The following SLC14A2 variants were observed in gnomAD, a reference collection of about 807,000 sequenced individuals.
The protein encoded by SLC14A2 is urea transporter 2.
A neutral mutation model predicts 104.6 loss-of-function variants in SLC14A2; 91 were observed. That is an observed-to-expected ratio of 0.87 (90% CI 0.73 to 1.04). The LOEUF (loss-of-function observed/expected upper bound fraction) is 1.04. SLC14A2 is among the 50% of genes least tolerant of loss of function. The pLI, the probability that SLC14A2 is intolerant of heterozygous loss-of-function variation, is 0.00. For missense variants in SLC14A2, 1,189 were observed against 1,156.0 expected (o/e 1.03, Z -0.41); for synonymous variants, 476 against 466.4 (o/e 1.02, Z -0.27).
At chr18:45,247,920 G>A (rs1417362517) in intron 1 of SLC14A2, among the ~76,000 whole-genome samples, 1 of 152,126 alleles carries the variant, frequency 6.6e-6, no homozygotes, top group Non-Finnish European at 1.5e-5. Flanking sequence ...TACAATTCCT[G>A]ATTCCTGGTG....
At chr18:45,477,615 G>A (rs371402094) in intron 1 of SLC14A2, among the ~76,000 whole-genome samples, 24 of 152,164 alleles carry the variant, frequency 1.6e-4, no homozygotes, top group East Asian at 1.2e-3. Context: ...TTTGTCCCAC[G>A]GAGATGGGAG....
intron 10 of SLC14A2, among the ~76,000 whole-genome samples, chr18:45,661,521 C>T (rs2045937005): frequency 6.6e-6 from 1 of 152,194 alleles, no homozygotes; most frequent in Admixed American, 6.5e-5. Flanking sequence ...AATGCAATTC[C>T]TAGCTTTGCC....
At chr18:45,252,792 C>CTTTTTTTTTTT (rs745363624) in intron 1 of SLC14A2, among the ~76,000 whole-genome samples, 1 of 126,960 alleles carries the variant, frequency 7.9e-6, no homozygotes, top group African/African-American at 3.0e-5. Flanking sequence ...GCAATATTGA[C>CTTTTTTTTTTT]TTTTTTTTTT....
intron 12 of SLC14A2, 55 bp from the exon 13 acceptor site, chr18:45,666,880 T>C: frequency 6.7e-7 from 1 of 1,483,338 alleles, no homozygotes; most frequent in Non-Finnish European, 9.3e-7. Flanking sequence ...ACATGAATTC[T>C]CAGTGTAAGA....
chr18:45,457,042 A>G (rs886132187), intron 1 of SLC14A2, among the ~76,000 whole-genome samples: 2 of 152,124 alleles, frequency 1.3e-5, no homozygotes, highest in African/African-American at 4.8e-5. Context: ...ATCTCCTCCT[A>G]GTTAGGGAGC....
intron 1 of SLC14A2, among the ~76,000 whole-genome samples, chr18:45,468,946 G>A (rs1300890890): frequency 1.3e-5 from 2 of 152,216 alleles, no homozygotes; most frequent in Admixed American, 6.5e-5. Context: ...ACAGTAAAGT[G>A]CAACTCACAG....
intron 2 of SLC14A2, among the ~76,000 whole-genome samples, chr18:45,542,040 T>G (rs1430838900): frequency 7.1e-5 from 5 of 70,874 alleles, no homozygotes; most frequent in African/African-American, 2.8e-4. Context: ...AGAGGGTTTT[T>G]TTTTTTTTTT....
At chr18:45,365,490 C>T (rs972571847) in intron 1 of SLC14A2, among the ~76,000 whole-genome samples, 7 of 152,236 alleles carry the variant, frequency 4.6e-5, no homozygotes, top group African/African-American at 1.7e-4. Context: ...TGTGTGCCTG[C>T]TCCTGTGGAG....
At chr18:45,183,589 C>T in the SLC14A2 span, among the ~76,000 whole-genome samples, 5 of 152,130 alleles carry the variant, frequency 3.3e-5, no homozygotes, top group Admixed American at 2.6e-4. Flanking sequence ...CTGACACTTT[C>T]CTAGGTTGCA....
At chr18:45,665,454 G>C (rs1300636485) in intron 11 of SLC14A2, among the ~76,000 whole-genome samples, 1 of 151,948 alleles carries the variant, frequency 6.6e-6, no homozygotes, top group Non-Finnish European at 1.5e-5. Flanking sequence ...AATTACAAAG[G>C]CTTGCCAAAA....
chr18:45,682,410 C>T lies in SLC14A2; in HGVS notation c.2654C>T (p.Pro885Leu), dbSNP rs370353559. The T allele has an allele frequency of 4.8e-5, 77 of 1,614,060 alleles. No individual in the cohort carries two copies. Among genetic ancestry groups the T allele is most frequent in the South Asian group, 3.5e-4 (32 of 91,084 alleles). Reference protein sequence around the residue: ...TTNNPAIYKLPLSKVTYPEAN... With the variant: ...TTNNPAIYKLLLSKVTYPEAN... Reference sequence around the variant, plus strand: ...AATAACCCCGCCATCTACAAGCTCCCGCTCAGCAAAGTCACCTACCCAGAG... The same window carrying T: ...AATAACCCCGCCATCTACAAGCTCCTGCTCAGCAAAGTCACCTACCCAGAG... Residue 885 changes from proline (P) to leucine (L), a missense_variant, in exon 20 of 20, where the codon CCG (proline) becomes CTG (leucine). Physicochemically the swap from Pro to Leu is moderately conservative, Grantham distance 98. Transcript: ENST00000255226.
chr18:45,190,045 A>T, the SLC14A2 span, among the ~76,000 whole-genome samples: 2 of 152,210 alleles, frequency 1.3e-5, no homozygotes, highest in African/African-American at 4.8e-5. Context: ...AACAGGACAC[A>T]GGTCTGTAAG....
At chr18:45,655,205 T>A (rs112857227) in intron 10 of SLC14A2, among the ~76,000 whole-genome samples, 1 of 152,210 alleles carries the variant, frequency 6.6e-6, no homozygotes, top group East Asian at 1.9e-4. Context: ...TGACAGTGGA[T>A]GTGTCTGGAA....
chr18:45,234,269 T>C (rs982877581), intron 1 of SLC14A2, among the ~76,000 whole-genome samples: 1 of 152,158 alleles, frequency 6.6e-6, no homozygotes, highest in African/African-American at 2.4e-5. Context: ...ATGTAGGGGT[T>C]GTTAGGTGAT....
intron 1 of SLC14A2, among the ~76,000 whole-genome samples, chr18:45,445,732 C>A (rs2086757593): frequency 1.3e-5 from 2 of 152,184 alleles, no homozygotes; most frequent in African/African-American, 2.4e-5. Context: ...GCAGATATCA[C>A]AGATGGAGTA....
At chr18:45,537,409 G>A (rs909701879) in intron 2 of SLC14A2, among the ~76,000 whole-genome samples, 45 of 152,228 alleles carry the variant, frequency 3.0e-4, no homozygotes, top group African/African-American at 8.2e-4. Flanking sequence ...TGAAGAAGGC[G>A]AGGGAGTGAG....
At position 45,552,558 on chromosome 18, in the gene SLC14A2, G is replaced by C. The variant is rs548857260; in HGVS notation, c.-35+69236G>C. ...CCTGTTCTCACAGAGCTGATGTTCT[G>C]GTGGGAAAATACAAACAAAAACAAA... On this transcript the variant is annotated intron_variant, in intron 2 of 20. Transcript: ENST00000586448. 3.0e-4 allele frequency among the ~76,000 whole-genome samples: 46 copies of C among 152,284 alleles called. 1 individual carries two copies. The highest frequency in any genetic ancestry group is 1.1e-3 in the African/African-American group (44 of 41,550).
chr18:45,206,097 A>G, the SLC14A2 span, among the ~76,000 whole-genome samples: 1 of 152,334 alleles, frequency 6.6e-6, no homozygotes, highest in Non-Finnish European at 1.5e-5. Flanking sequence ...TTTATGTGAG[A>G]TAGTGGTCAC....
At chr18:45,522,070 T>C (rs1298176329) in intron 2 of SLC14A2, among the ~76,000 whole-genome samples, 1 of 152,186 alleles carries the variant, frequency 6.6e-6, no homozygotes, top group East Asian at 1.9e-4. Flanking sequence ...TCTAAGGCAG[T>C]CTAAGGCAGT....
Sources: allele counts gnomAD v4.1 joint callset (sites outside exome capture counted in the v4.1 genomes callset), GRCh38; gene constraint gnomAD v4.1.1; transcripts MANE v1.5; gene names NCBI Gene and HGNC (gene_info 2026-07-23, HGNC 2026-07-21).